NCKAP5: variants seen among roughly 807,000 people sequenced by gnomAD.
NCKAP5 encodes NCK associated protein 5, also known as nck-associated protein 5.
NCKAP5 carries 92 observed loss-of-function variants against 167.0 expected under a neutral mutation model. That is an observed-to-expected ratio of 0.55 (90% CI 0.47 to 0.66). NCKAP5 has a LOEUF of 0.66. NCKAP5 is among the 30% of genes least tolerant of loss of function. The probability of loss-of-function intolerance (pLI) is 0.00; values close to 1 mark genes in which losing one functional copy is unlikely to be tolerated. For missense variants in NCKAP5, 2,378 were observed against 2,315.0 expected, an observed-to-expected ratio of 1.03 and a Z score of -0.56; for synonymous variants, 891 against 877.4, an observed-to-expected ratio of 1.02 and a Z score of -0.27.
chr2:133,520,780 C>A (rs1332609752), intron 2 of NCKAP5, among the ~76,000 whole-genome samples: 1 of 152,084 alleles, frequency 6.6e-6, no homozygotes, highest in Non-Finnish European at 1.5e-5. Flanking sequence ...ATTAATGGTA[C>A]CAATAATATA....
chr2:133,013,384 T>C (rs1450866737), intron 6 of NCKAP5, among the ~76,000 whole-genome samples: 1 of 152,202 alleles, frequency 6.6e-6, no homozygotes, highest in Non-Finnish European at 1.5e-5. Context: ...TAAACATTTA[T>C]TGGACTTACA....
chr2:133,201,608 T>C (rs148252977), intron 5 of NCKAP5, among the ~76,000 whole-genome samples: 1 of 152,300 alleles, frequency 6.6e-6, no homozygotes, highest in Non-Finnish European at 1.5e-5. Context: ...GATAAAGATA[T>C]TCTATACCTG....
chr2:133,153,058 C>T (rs757149846), intron 5 of NCKAP5, among the ~76,000 whole-genome samples: 1 of 152,102 alleles, frequency 6.6e-6, no homozygotes, highest in Non-Finnish European at 1.5e-5. Flanking sequence ...CATCGTTGTA[C>T]ACAAAGTTTT....
intron 4 of NCKAP5, 69 bp downstream of exon 4, chr2:133,302,968 T>C: frequency 9.4e-7 from 1 of 1,069,256 alleles, no homozygotes; most frequent in Non-Finnish European, 1.4e-6. Flanking sequence ...CTAACTGAAA[T>C]ATTTTAGATC....
At chr2:132,772,821 T>A (rs1682198030) in intron 16 of NCKAP5, among the ~76,000 whole-genome samples, 1 of 152,192 alleles carries the variant, frequency 6.6e-6, no homozygotes, top group South Asian at 2.1e-4. Context: ...CTATAAATTA[T>A]CATTTGCACA....
Position 133,283,890 on chromosome 2 carries a change from C to T in NCKAP5, c.143+19147G>A, listed in dbSNP as rs530422762. On this transcript the variant is annotated intron_variant, in intron 4 of 19. Coordinates refer to ENST00000409261, the MANE Select transcript of NCKAP5 (RefSeq NM_207363.3). Reference sequence around the variant, plus strand: ...CCTCCCAAAGTGCTACGATTACAGGCGTGAGCCACCGTGCCCGGCCTTGAA... The same window carrying T: ...CCTCCCAAAGTGCTACGATTACAGGTGTGAGCCACCGTGCCCGGCCTTGAA... Among the ~76,000 whole-genome samples, 6 of 152,184 alleles carry T rather than the reference C, an allele frequency of 3.9e-5. No homozygotes were observed. In the East Asian group the frequency reaches 5.8e-4, roughly 15 times the overall value.
chr2:132,737,520 G>T (rs530298381), intron 16 of NCKAP5, among the ~76,000 whole-genome samples: 1 of 152,286 alleles, frequency 6.6e-6, no homozygotes. Flanking sequence ...TGGTGGCAGA[G>T]AATTTTGAAG....
chr2:132,849,581 T>C (rs968723151), intron 11 of NCKAP5, among the ~76,000 whole-genome samples: 1 of 152,192 alleles, frequency 6.6e-6, no homozygotes, highest in Admixed American at 6.5e-5. Flanking sequence ...GCCACAGAGA[T>C]GCAGGTCACA....
At chr2:133,135,587 G>A (rs1408053355) in intron 5 of NCKAP5, among the ~76,000 whole-genome samples, 1 of 151,592 alleles carries the variant, frequency 6.6e-6, no homozygotes, top group Non-Finnish European at 1.5e-5. Flanking sequence ...ATTATAGAAT[G>A]GGAAAACATT....
intron 6 of NCKAP5, among the ~76,000 whole-genome samples, chr2:133,119,678 T>G (rs946255392): frequency 1.3e-5 from 2 of 152,076 alleles, no homozygotes; most frequent in Non-Finnish European, 2.9e-5. Flanking sequence ...TCAATAAATT[T>G]AAAAAACCTC....
chr2:132,870,764 G>A (rs1335723740), intron 9 of NCKAP5, among the ~76,000 whole-genome samples: 3 of 110,820 alleles, frequency 2.7e-5, no homozygotes, highest in African/African-American at 1.1e-4. Context: ...TTTCCATGGA[G>A]CTTAATTGTT....
chr2:133,380,337 A>T (rs987735435), intron 3 of NCKAP5, among the ~76,000 whole-genome samples: 3 of 152,152 alleles, frequency 2.0e-5, no homozygotes, highest in Non-Finnish European at 2.9e-5. Context: ...TTTTTTTAGT[A>T]AAACAAAACA....
intron 6 of NCKAP5, among the ~76,000 whole-genome samples, chr2:133,031,881 C>T (rs1220380627): frequency 6.6e-6 from 1 of 152,052 alleles, no homozygotes; most frequent in African/African-American, 2.4e-5. Flanking sequence ...GATCCCACTG[C>T]CTTGAAGAAA....
chr2:133,444,070 G>A (rs1366238505), intron 3 of NCKAP5, among the ~76,000 whole-genome samples: 10 of 151,930 alleles, frequency 6.6e-5, no homozygotes, highest in African/African-American at 2.4e-4. Flanking sequence ...TCAGTTTGCT[G>A]TATTGTCTAA....
the NCKAP5 span, among the ~76,000 whole-genome samples, chr2:133,641,898 C>A: frequency 1.3e-5 from 2 of 152,172 alleles, no homozygotes; most frequent in African/African-American, 2.4e-5. Context: ...ATTGAATGAT[C>A]AATATATCTA....
chr2:132,721,353 G>GA (rs11458550), intron 19 of NCKAP5, among the ~76,000 whole-genome samples: 89,952 of 151,868 alleles, frequency 0.59, 27,607 homozygotes, highest in African/African-American at 0.74. Flanking sequence ...GAACCAAGGA[G>GA]AAAGGGTGTG....
intron 6 of NCKAP5, among the ~76,000 whole-genome samples, chr2:133,069,997 T>C (rs2080334517): frequency 6.6e-6 from 1 of 152,156 alleles, no homozygotes; most frequent in African/African-American, 2.4e-5. Context: ...TATTTAGGCA[T>C]ACTTGGATAG....
chr2:133,434,271 C>T (rs192379421), intron 3 of NCKAP5, among the ~76,000 whole-genome samples: 10 of 152,292 alleles, frequency 6.6e-5, no homozygotes, highest in Admixed American at 2.0e-4. Flanking sequence ...TCTTTAAAAA[C>T]GCTCCTTTTC....
intron 3 of NCKAP5, among the ~76,000 whole-genome samples, chr2:133,329,028 G>T (rs991118361): frequency 6.6e-6 from 1 of 152,160 alleles, no homozygotes; most frequent in African/African-American, 2.4e-5. Context: ...TTCTAAGGAG[G>T]TGTTTAGAGT....
Sources: allele counts gnomAD v4.1 joint callset (sites outside exome capture counted in the v4.1 genomes callset), GRCh38; gene constraint gnomAD v4.1.1; transcripts MANE v1.5; gene names NCBI Gene and HGNC (gene_info 2026-07-23, HGNC 2026-07-21).